NELL1: variants seen among roughly 807,000 people sequenced by gnomAD.
The protein encoded by NELL1 is protein kinase C-binding protein NELL1.
NELL1 carries 76 observed loss-of-function variants against 107.4 expected under a neutral mutation model. The observed-to-expected ratio is 0.71, with a 90% CI of 0.59 to 0.86. The LOEUF (loss-of-function observed/expected upper bound fraction) is 0.86. Among genes scored for constraint, NELL1 ranks in the 40% least tolerant of loss-of-function variants. The pLI is 0.00. For synonymous variants in NELL1, 353 were observed against 341.2 expected (o/e 1.03, Z -0.38); for missense variants, 1,024 against 1,005.5 (o/e 1.02, Z -0.25).
At chr11:21,104,924 A>G (rs919489690) in intron 12 of NELL1, among the ~76,000 whole-genome samples, 2 of 152,158 alleles carry the variant, frequency 1.3e-5, no homozygotes, top group African/African-American at 4.8e-5. Context: ...AGAGAGCACT[A>G]TATGTCTGTT....
chr11:20,916,056 A>G (rs1026306777), intron 5 of NELL1, among the ~76,000 whole-genome samples: 1 of 151,824 alleles, frequency 6.6e-6, no homozygotes, highest in Non-Finnish European at 1.5e-5. Context: ...AAATAAATTA[A>G]CATTCCCATC....
chr11:21,366,028 A>G (rs1851211551), intron 14 of NELL1, among the ~76,000 whole-genome samples: 1 of 152,182 alleles, frequency 6.6e-6, no homozygotes, highest in South Asian at 2.1e-4. Context: ...TAATAGGACC[A>G]CATTGTTCCT....
At chr11:21,565,986 CA>C (rs1856964022) in intron 17 of NELL1, among the ~76,000 whole-genome samples, 1 of 151,910 alleles carries the variant, frequency 6.6e-6, no homozygotes, top group Admixed American at 6.6e-5. Context: ...TAGTCTATAT[CA>C]GGCATCAGCA....
chr11:21,165,734 T>C (rs1461193627), intron 13 of NELL1, among the ~76,000 whole-genome samples: 1 of 151,008 alleles, frequency 6.6e-6, no homozygotes, highest in Non-Finnish European at 1.5e-5. Context: ...TGGAGTACTC[T>C]TTAGCCATAA....
rs193147343 is a variant in NELL1 at position 20,861,571 on chromosome 11, C to T, written c.506+13818C>T. Reference sequence around the variant, plus strand: ...CTTGAATCAGCATGTCCTGTCTCAGCTGCATAGCTAGGTGAGACCACGGCA... The same window carrying T: ...CTTGAATCAGCATGTCCTGTCTCAGTTGCATAGCTAGGTGAGACCACGGCA... On this transcript the variant is annotated intron_variant, in intron 4 of 19. Transcript: ENST00000357134. 7.2e-5 allele frequency among the ~76,000 whole-genome samples: 11 copies of T among 152,310 alleles called. No homozygotes were observed. The East Asian group carries it at 1.7e-3, about 24-fold the overall frequency.
chr11:20,962,887 A>G (rs184118661), intron 12 of NELL1, among the ~76,000 whole-genome samples: 10 of 152,304 alleles, frequency 6.6e-5, no homozygotes, highest in Admixed American at 6.5e-4. Flanking sequence ...GGAGAGAAGG[A>G]TAGCACCTAA....
At chr11:21,180,713 T>G (rs879656779) in intron 13 of NELL1, among the ~76,000 whole-genome samples, 1 of 151,772 alleles carries the variant, frequency 6.6e-6, no homozygotes, top group Admixed American at 6.6e-5. Flanking sequence ...TACTGCCTTC[T>G]TGTTTCTGGT....
chr11:21,257,143 A>G (rs1858790114), intron 14 of NELL1, among the ~76,000 whole-genome samples: 1 of 151,952 alleles, frequency 6.6e-6, no homozygotes, highest in Admixed American at 6.6e-5. Context: ...AAGGAGATGT[A>G]GGGGAGGGAC....
chr11:20,755,540 GTTTTT>G (rs1463795241), intron 2 of NELL1, among the ~76,000 whole-genome samples: 15 of 19,150 alleles, frequency 7.8e-4, no homozygotes, highest in African/African-American at 1.5e-3. Flanking sequence ...GTGGGTTTTT[GTTTTT>G]TTTTGTTTTT....
intron 12 of NELL1, among the ~76,000 whole-genome samples, chr11:21,103,201 T>C (rs1296001100): frequency 6.6e-6 from 1 of 152,182 alleles, no homozygotes; most frequent in Non-Finnish European, 1.5e-5. Context: ...TAATCATTGG[T>C]TAATTTGATC....
intron 13 of NELL1, among the ~76,000 whole-genome samples, chr11:21,217,090 G>A (rs893593467): frequency 8.5e-5 from 13 of 152,066 alleles, no homozygotes; most frequent in African/African-American, 2.9e-4. Context: ...GAGTTCCCAC[G>A]AGATCTGATG....
At chr11:20,772,251 G>T (rs1856654810) in intron 2 of NELL1, among the ~76,000 whole-genome samples, 1 of 152,146 alleles carries the variant, frequency 6.6e-6, no homozygotes, top group African/African-American at 2.4e-5. Context: ...GAGGAGTGTT[G>T]CTACGTAGGG....
At chr11:20,796,091 A>G (rs1857163830) in intron 3 of NELL1, among the ~76,000 whole-genome samples, 1 of 152,124 alleles carries the variant, frequency 6.6e-6, no homozygotes, top group Non-Finnish European at 1.5e-5. Context: ...TCCTGTCCTC[A>G]TGGCTGCTTT....
chr11:20,797,586 A>AAAAAAAAAAAAAC (rs1857198018), intron 3 of NELL1, among the ~76,000 whole-genome samples: 1 of 151,246 alleles, frequency 6.6e-6, no homozygotes, highest in African/African-American at 2.4e-5. Flanking sequence ...AAAAAAAAAA[A>AAAAAAAAAAAAAC]AGACAGGAGG....
chr11:21,474,307 T>C (rs755663863), intron 15 of NELL1, among the ~76,000 whole-genome samples: 2 of 152,038 alleles, frequency 1.3e-5, no homozygotes, highest in African/African-American at 4.8e-5. Flanking sequence ...TAATAGAGTC[T>C]TCACTCAGAG....
intron 15 of NELL1, among the ~76,000 whole-genome samples, chr11:21,479,850 G>A (rs566723944): frequency 2.0e-4 from 31 of 152,132 alleles, no homozygotes; most frequent in Middle Eastern, 6.8e-3. Flanking sequence ...ACTTTACAAA[G>A]TGATAAACTT....
chr11:21,322,057 G>A (rs1041209592), intron 14 of NELL1, among the ~76,000 whole-genome samples: 3 of 152,208 alleles, frequency 2.0e-5, no homozygotes, highest in African/African-American at 7.2e-5. Context: ...CTTTCTGGGA[G>A]ATGTGTGGGC....
At chr11:20,924,068 G>A (rs1295248345) in intron 7 of NELL1, among the ~76,000 whole-genome samples, 1 of 152,228 alleles carries the variant, frequency 6.6e-6, no homozygotes. Flanking sequence ...GAATAGAGAT[G>A]TAGATGTGAT....
chr11:20,786,736 C>T (rs986234392), intron 3 of NELL1, among the ~76,000 whole-genome samples: 6 of 152,056 alleles, frequency 3.9e-5, no homozygotes, highest in African/African-American at 9.6e-5. Flanking sequence ...AGGCCAGGCG[C>T]GGTGGTTTAC....
Sources: gnomAD v4.1 joint callset for allele counts (sites outside exome capture counted in the v4.1 genomes callset) on GRCh38, gnomAD v4.1.1 for gene constraint, MANE v1.5 for transcripts, NCBI Gene and HGNC (gene_info 2026-07-23, HGNC 2026-07-21) for gene names.